Variants in STK31 observed in about 807,000 individuals in gnomAD.
STK31 encodes the protein serine/threonine kinase 31, also known as serine/threonine-protein kinase 31.
A neutral mutation model predicts 129.7 loss-of-function variants in STK31; 89 were observed. That is an observed-to-expected ratio of 0.69 (90% CI 0.58 to 0.82). STK31 has a LOEUF of 0.82. STK31 is among the 40% of genes least tolerant of loss of function. STK31 has a pLI of 0.00. For missense variants in STK31, 1,187 were observed against 1,176.4 expected (o/e 1.01, Z -0.13); for synonymous variants, 448 against 395.3 (o/e 1.13, Z -1.58).
At chr7:23,716,230 C>T (rs1314054920) in intron 3 of STK31, among the ~76,000 whole-genome samples, 1 of 150,342 alleles carries the variant, frequency 6.7e-6, no homozygotes, top group African/African-American at 2.5e-5. Flanking sequence ...TGTAGAGTAT[C>T]TTTTAATTTG....
At chr7:23,739,395 T>A (rs1385686317) in intron 8 of STK31, among the ~76,000 whole-genome samples, 1 of 152,214 alleles carries the variant, frequency 6.6e-6, no homozygotes, top group Non-Finnish European at 1.5e-5. Context: ...ATGGACAGAT[T>A]GCAAAAATTT....
At chr7:23,744,701 T>C (rs1788244885) in intron 8 of STK31, among the ~76,000 whole-genome samples, 1 of 152,172 alleles carries the variant, frequency 6.6e-6, no homozygotes, top group African/African-American at 2.4e-5. Flanking sequence ...TATGATTCCT[T>C]TGGATGTGAA....
intron 15 of STK31, among the ~76,000 whole-genome samples, chr7:23,776,308 C>T (rs1455581051): frequency 6.6e-6 from 1 of 152,024 alleles, no homozygotes; most frequent in Non-Finnish European, 1.5e-5. Context: ...TGTTGTGTCT[C>T]TGCCAGGTTT....
chr7:23,744,486 A>C (rs767604796), intron 8 of STK31, among the ~76,000 whole-genome samples: 25 of 152,104 alleles, frequency 1.6e-4, no homozygotes, highest in Non-Finnish European at 2.2e-4. Context: ...GAGAATTACT[A>C]ACTTCCTTTG....
In STK31 at chr7:23,813,078, C is replaced by CTTTTTTTTTTTTTTTTTTTTT. The variant is rs70956924; in HGVS notation, c.2761-2046_2761-2045insTTTTTTTTTTTTTTTTTTTTT. ...TCACAGGTCCTTGAGGCTCTCTGTT[C>CTTTTTTTTTTTTTTTTTTTTT]TTTTTTTTTTTTTTTTTTTTGTCTG... is the stretch of plus-strand genomic sequence containing the variant. On this transcript the variant is annotated intron_variant, in intron 22 of 23. Coordinates refer to ENST00000355870, the MANE Select transcript of STK31 (RefSeq NM_031414.5). Among the ~76,000 whole-genome samples, 162 of 94,072 alleles carry CTTTTTTTTTTTTTTTTTTTTT rather than the reference C, an allele frequency of 1.7e-3. 2 individuals are homozygous for CTTTTTTTTTTTTTTTTTTTTT. The highest frequency in any genetic ancestry group is 8.2e-3 in the Middle Eastern group (1 of 122). The allele number at this position is 94,072 out of a possible 152,430, so 61.7% of individuals were successfully genotyped here.
Position 23,769,639 on chromosome 7 carries a change from G to T in STK31, c.1597-1G>T. 1 of 1,595,488 alleles carries T rather than the reference G, an allele frequency of 6.3e-7. No homozygotes were observed. The highest frequency in any genetic ancestry group is 2.2e-5 in the East Asian group (1 of 44,610). On this transcript the variant is annotated splice_acceptor_variant, in intron 12 of 23. Coordinates refer to ENST00000355870, the MANE Select transcript of STK31 (RefSeq NM_031414.5). LOFTEE classifies it high-confidence loss of function. ...TTCATGTGTTTATTTTTGCAAATGA[G>T]GTTTTTGACCTATCTGTGGAAGGAT...
chr7:23,733,346 T>G (rs1787536728), intron 6 of STK31, among the ~76,000 whole-genome samples: 1 of 151,570 alleles, frequency 6.6e-6, no homozygotes, highest in Non-Finnish European at 1.5e-5. Context: ...GGCCCAGGAG[T>G]TCAAGACCAG....
At chr7:23,752,522 G>A (rs1007472661) in intron 8 of STK31, among the ~76,000 whole-genome samples, 195 bp from the exon 9 acceptor site, 6 of 151,808 alleles carry the variant, frequency 4.0e-5, no homozygotes, top group Admixed American at 6.6e-5. Flanking sequence ...GTATTTTTTC[G>A]TAGAGACGGG....
intron 4 of STK31, among the ~76,000 whole-genome samples, chr7:23,724,252 T>C (rs1325681315): frequency 6.6e-6 from 1 of 152,182 alleles, no homozygotes; most frequent in Non-Finnish European, 1.5e-5. Context: ...TGCCAGTACC[T>C]TATCAGTTAA....
chr7:23,725,521 C>A (rs1268493295), intron 4 of STK31, among the ~76,000 whole-genome samples: 3 of 151,990 alleles, frequency 2.0e-5, no homozygotes. Context: ...CCAGCCTGGA[C>A]AACAGAGTAA....
intron 15 of STK31, among the ~76,000 whole-genome samples, chr7:23,780,265 C>T (rs535081924): frequency 3.3e-5 from 5 of 151,946 alleles, no homozygotes; most frequent in African/African-American, 7.3e-5. Context: ...AGCTGCAGAC[C>T]GGAGCTGTTA....
intron 15 of STK31, among the ~76,000 whole-genome samples, chr7:23,778,871 C>T (rs952111168): frequency 1.1e-4 from 17 of 152,008 alleles, no homozygotes; most frequent in Non-Finnish European, 1.3e-4. Context: ...AGTTTTGTTC[C>T]GTTGCTGGCG....
At position 23,710,244 on chromosome 7, in the gene STK31, G is replaced by C. The variant is rs926750381; in HGVS notation, c.-42G>C. The C allele has an allele frequency of 3.1e-6, 5 of 1,611,928 alleles. No individual in the cohort carries two copies. Among genetic ancestry groups the C allele is most frequent in the African/African-American group, 2.7e-5 (2 of 74,854 alleles). The stretch of plus-strand genomic sequence containing the variant: ...GCGGTCGAAGCTCACGCGGTAAGCC[G>C]CTGCACGTGTGCTACGGCGGGCGGA... On this transcript the variant is annotated 5_prime_UTR_variant, in exon 1 of 24. Transcript: ENST00000355870.
chr7:23,808,880 G>A (rs1792892795), intron 22 of STK31, among the ~76,000 whole-genome samples: 1 of 151,362 alleles, frequency 6.6e-6, no homozygotes, highest in Non-Finnish European at 1.5e-5. Context: ...ACAGTTTTCT[G>A]TTCTGCTAGG....
intron 23 of STK31, among the ~76,000 whole-genome samples, chr7:23,824,228 G>C (rs577690706): frequency 6.6e-6 from 1 of 152,314 alleles, no homozygotes; most frequent in South Asian, 2.1e-4. Context: ...TCCTACCCAT[G>C]AGCATGGAAT....
intron 23 of STK31, among the ~76,000 whole-genome samples, chr7:23,815,850 T>G (rs530587336): frequency 6.6e-5 from 10 of 151,488 alleles, no homozygotes; most frequent in African/African-American, 2.4e-4. Context: ...GAAGCTGATT[T>G]TTAGTTCTGC....
At chr7:23,722,683 A>T (rs915332706) in intron 4 of STK31, 3 of 152,334 alleles carry the variant, frequency 2.0e-5, no homozygotes, top group African/African-American at 7.2e-5. Flanking sequence ...CTGCCTCCAG[A>T]GGTGGAGTCT....
At chr7:23,793,616 T>C (rs1584457985) in intron 22 of STK31, among the ~76,000 whole-genome samples, 1 of 152,324 alleles carries the variant, frequency 6.6e-6, no homozygotes, top group East Asian at 1.9e-4. Flanking sequence ...CCACATGGCA[T>C]GTAAGCATGT....
At position 23,762,787 on chromosome 7, in the gene STK31, T is replaced by A. The variant is rs1789549166; in HGVS notation, c.1294-14T>A. ...GATGTATTAATGATGGTTATTCTTT[T>A]TTTCTTCCTCCAGAGTGAAGGGAAT... is the stretch of plus-strand genomic sequence containing the variant. On this transcript the variant is annotated splice_polypyrimidine_tract_variant and intron_variant, in intron 10 of 23. Coordinates refer to ENST00000355870, the MANE Select transcript of STK31 (RefSeq NM_031414.5). 1 of 1,607,886 alleles carries A rather than the reference T, an allele frequency of 6.2e-7. No homozygotes were observed. Among genetic ancestry groups the A allele is most frequent in the Non-Finnish European group, 8.5e-7 (1 of 1,178,298 alleles).
Sources: gnomAD v4.1 joint callset for allele counts (sites outside exome capture counted in the v4.1 genomes callset) on GRCh38, gnomAD v4.1.1 for gene constraint, MANE v1.5 for transcripts, NCBI Gene and HGNC (gene_info 2026-07-23, HGNC 2026-07-21) for gene names.